CCDC190: variants seen among roughly 807,000 people sequenced by gnomAD.
The protein encoded by CCDC190 is coiled-coil domain-containing protein 190.
In CCDC190, 10 loss-of-function variants were observed where a neutral mutation model predicts 13.1. That is an observed-to-expected ratio of 0.77 (90% CI 0.47 to 1.30). The LOEUF is 1.30. Among genes scored for constraint, CCDC190 ranks in the 50% most tolerant of loss-of-function variants. The pLI is 0.00. For synonymous variants in CCDC190, 136 were observed against 127.2 expected, an observed-to-expected ratio of 1.07 and a Z score of -0.47; for missense variants, 375 against 354.3, an observed-to-expected ratio of 1.06 and a Z score of -0.47.
At chr1:162,864,802 G>T (rs1650642956), upstream of CCDC190, among the ~76,000 whole-genome samples, 1 of 151,858 alleles carries the variant, frequency 6.6e-6, no homozygotes, top group Non-Finnish European at 1.5e-5. Flanking sequence ...TACTAAATTT[G>T]AAATAAAGCA....
Position 162,854,373 on chromosome 1 carries a change from C to T in CCDC190, c.*392G>A, listed in dbSNP as rs1221950655. 91 of 1,016,378 alleles carry T rather than the reference C, an allele frequency of 9.0e-5. No individual in the cohort carries two copies. Among genetic ancestry groups the T allele is most frequent in the Non-Finnish European group, 1.0e-4 (89 of 848,252 alleles). The allele number at this position is 1,016,378 out of a possible 1,614,324, so 63.0% of individuals were successfully genotyped here. Reference sequence around the variant, plus strand: ...AATCACATTCCTATTCCTACCACTACTATATATCAAACTAAAACAGAGAGA... The same window carrying T: ...AATCACATTCCTATTCCTACCACTATTATATATCAAACTAAAACAGAGAGA... On this transcript the variant is annotated 3_prime_UTR_variant, in exon 4 of 4. Coordinates refer to ENST00000367912, the MANE Select transcript of CCDC190 (RefSeq NM_001394065.1).
At chr1:162,860,578 GAC>G (rs1381530386) in intron 1 of CCDC190, among the ~76,000 whole-genome samples, 1 of 148,912 alleles carries the variant, frequency 6.7e-6, no homozygotes, top group Non-Finnish European at 1.5e-5. Context: ...TTTTTTTTGA[GAC>G]AGAGTCTCAC....
chr1:162,851,716 T>C lies in CCDC190; in HGVS notation c.*3049A>G, dbSNP rs1170916672. On this transcript the variant is annotated 3_prime_UTR_variant, in exon 4 of 4. Coordinates refer to ENST00000367912, the MANE Select transcript of CCDC190 (RefSeq NM_001394065.1). ...CATGGGGGAGGAAATGGGGAAGGGA[T>C]CATCTGTCCCCAGTACATCTCTGAA... 1.3e-5 allele frequency: 2 copies of C among 151,938 alleles called. No individual in the cohort carries two copies. Among genetic ancestry groups the C allele is most frequent in the Non-Finnish European group, 2.9e-5 (2 of 67,998 alleles). The allele number at this position is 151,938 out of a possible 1,614,324, so 9.4% of individuals were successfully genotyped here.
intron 2 of CCDC190, among the ~76,000 whole-genome samples, chr1:162,858,637 A>G (rs967170949): frequency 2.0e-5 from 3 of 152,040 alleles, no homozygotes; most frequent in African/African-American, 7.2e-5. Context: ...TCCATTTCAG[A>G]CTCCTGAGTT....
intron 1 of CCDC190, among the ~76,000 whole-genome samples, chr1:162,868,256 T>C (rs571591420): frequency 1.4e-4 from 21 of 152,294 alleles, no homozygotes; most frequent in Non-Finnish European, 2.1e-4. Context: ...GTGGTAAACA[T>C]GTGGGTACAT....
chr1:162,860,353 CA>C lies in CCDC190; in HGVS notation c.-13+654del, dbSNP rs375351118. Reference sequence around the variant, plus strand: ...TAGACTGGGCGAAAGCTCCTCTTCTCATCCTCACCCATCTTCTCAGACTTTA... The same window carrying C: ...TAGACTGGGCGAAAGCTCCTCTTCTCTCCTCACCCATCTTCTCAGACTTTA... On this transcript the variant is annotated intron_variant, in intron 1 of 3. Transcript: ENST00000367912. Among the ~76,000 whole-genome samples the C allele has an allele frequency of 3.9e-4, 60 of 152,252 alleles. 1 individual carries two copies. Among genetic ancestry groups the C allele is most frequent in the African/African-American group, 1.4e-3 (59 of 41,556 alleles).
At position 162,854,432 on chromosome 1, in the gene CCDC190, T is replaced by G; in HGVS notation, c.*333A>C. On this transcript the variant is annotated 3_prime_UTR_variant, in exon 4 of 4. Transcript: ENST00000367912. ...GCCGTTTTGCCAGCAGGTGGCACCA[T>G]GAGAATCTCCTAGAGGAAACAGGAA... 2.7e-5 allele frequency: 29 copies of G among 1,061,650 alleles called. No homozygotes were observed. The highest frequency in any genetic ancestry group is 3.3e-5 in the Non-Finnish European group (29 of 877,568). 65.8% of individuals were successfully genotyped at this position (1,061,650 alleles called of 1,614,324 possible).
intron 1 of CCDC190, among the ~76,000 whole-genome samples, chr1:162,867,712 C>A (rs61023741): frequency 1.7e-4 from 26 of 152,138 alleles, no homozygotes; most frequent in African/African-American, 6.3e-4. Context: ...AACTGATAAA[C>A]AAATTGTGGT....
upstream of CCDC190, among the ~76,000 whole-genome samples, chr1:162,864,127 C>A (rs116002256): frequency 0.016 from 2,471 of 151,576 alleles, 67 homozygotes; most frequent in African/African-American, 0.056. Context: ...TTAAAAACAG[C>A]CAAATTTAAA....
chr1:162,851,172 G>A lies in CCDC190; in HGVS notation c.*3593C>T, dbSNP rs1650093586. The A allele has an allele frequency of 6.6e-6, 1 of 152,180 alleles. No homozygotes were observed. Among genetic ancestry groups the A allele is most frequent in the African/African-American group, 2.4e-5 (1 of 41,422 alleles). 9.4% of individuals were successfully genotyped at this position (152,180 alleles called of 1,614,324 possible). A position where few individuals can be genotyped will look rare whatever the true frequency, so the allele number is the denominator to read the frequency against. ...GCCTCAGGCAGAAAAGGAGGACCTG[G>A]CTGCCCGCTCTCCCTTATTCTGTCT... is the stretch of plus-strand genomic sequence containing the variant. On this transcript the variant is annotated 3_prime_UTR_variant, in exon 4 of 4. Transcript: ENST00000367912.
At chr1:162,863,636 C>A (rs767022291), upstream of CCDC190, among the ~76,000 whole-genome samples, 2 of 152,074 alleles carry the variant, frequency 1.3e-5, no homozygotes, top group Non-Finnish European at 2.9e-5. Flanking sequence ...AATTGAGCAA[C>A]GAGGCAGGGG....
At chr1:162,863,296 T>C (rs572861800), upstream of CCDC190, among the ~76,000 whole-genome samples, 2 of 152,346 alleles carry the variant, frequency 1.3e-5, no homozygotes, top group Non-Finnish European at 2.9e-5. Flanking sequence ...TCCTATCCCT[T>C]GGTTTCCTTA....
chr1:162,856,847 G>T (rs755933377), intron 2 of CCDC190, among the ~76,000 whole-genome samples: 2 of 151,986 alleles, frequency 1.3e-5, no homozygotes, highest in Non-Finnish European at 2.9e-5. Context: ...GTCTCCTTGG[G>T]GTCTTTTGTG....
At position 162,855,031 on chromosome 1, in the gene CCDC190, C is replaced by T. The variant is rs751401369; in HGVS notation, c.640G>A (p.Ala214Thr). 18 of 1,613,896 alleles carry T rather than the reference C, an allele frequency of 1.1e-5. No individual in the cohort carries two copies. Among genetic ancestry groups the T allele is most frequent in the Non-Finnish European group, 1.4e-5 (17 of 1,179,900 alleles). ...CADETRSKDVALKPDGNTGKQ... is the reference protein window; with the variant it reads ...CADETRSKDVTLKPDGNTGKQ... Reference sequence around the variant, plus strand: ...CCAGTGTTCCCATCTGGCTTTAGAGCAACATCTTTTGATCTGGTCTCATCA... The same window carrying T: ...CCAGTGTTCCCATCTGGCTTTAGAGTAACATCTTTTGATCTGGTCTCATCA... The change falls in exon 4 of 4, where the codon GCT becomes ACT. Residue 214 changes from alanine to threonine, a missense_variant. Transcript: ENST00000367912.
At chr1:162,865,481 C>T (rs1387651358), upstream of CCDC190, among the ~76,000 whole-genome samples, 1 of 152,094 alleles carries the variant, frequency 6.6e-6, no homozygotes, top group Non-Finnish European at 1.5e-5. Flanking sequence ...AGATAGACCA[C>T]AGGTGGGCCA....
chr1:162,851,043 C>T lies in CCDC190; in HGVS notation c.*3722G>A, dbSNP rs979929968. Among the ~76,000 whole-genome samples, 4 of 152,084 alleles carry T rather than the reference C, an allele frequency of 2.6e-5. No homozygotes were observed. The highest frequency in any genetic ancestry group is 7.2e-5 in the African/African-American group (3 of 41,408). On this transcript the variant is annotated 3_prime_UTR_variant, in exon 4 of 4. Coordinates refer to ENST00000367912, the MANE Select transcript of CCDC190 (RefSeq NM_001394065.1). ...ACTTCTGTTTTAAAAGTTTTATTTCCGGTAGATATTCATTTAACTGCATTT... is the reference window on the plus strand; with the variant it reads ...ACTTCTGTTTTAAAAGTTTTATTTCTGGTAGATATTCATTTAACTGCATTT...
At chr1:162,863,997 A>G (rs971208801), upstream of CCDC190, among the ~76,000 whole-genome samples, 1 of 130,692 alleles carries the variant, frequency 7.7e-6, no homozygotes, top group African/African-American at 2.7e-5. Flanking sequence ...CCTGGGTGAC[A>G]GAATGAGACT....
intron 1 of CCDC190, among the ~76,000 whole-genome samples, chr1:162,866,688 C>T (rs924693207): frequency 4.6e-5 from 7 of 151,884 alleles, no homozygotes; most frequent in African/African-American, 7.3e-5. Context: ...TATCTGATTT[C>T]GAGACTTATT....
upstream of CCDC190, among the ~76,000 whole-genome samples, chr1:162,862,340 G>A (rs142279358): frequency 6.6e-6 from 1 of 152,302 alleles, no homozygotes; most frequent in African/African-American, 2.4e-5. Flanking sequence ...GCCTTAGTGT[G>A]GAGTGCCTAG....
Sources: gnomAD v4.1 joint callset for allele counts (sites outside exome capture counted in the v4.1 genomes callset) on GRCh38, gnomAD v4.1.1 for gene constraint, MANE v1.5 for transcripts, NCBI Gene and HGNC (gene_info 2026-07-23, HGNC 2026-07-21) for gene names.